The following ARL15 variants were observed in gnomAD, a reference collection of about 807,000 sequenced individuals.
ARL15 encodes the protein ADP-ribosylation factor-like protein 15.
ARL15 carries 19 observed loss-of-function variants against 25.2 expected under a neutral mutation model. That is an observed-to-expected ratio of 0.75 (90% CI 0.53 to 1.10). ARL15 has a LOEUF of 1.10. Among genes scored for constraint, ARL15 ranks in the 50% least tolerant of loss-of-function variants. The probability of loss-of-function intolerance (pLI) is 0.00; values close to 1 mark genes in which losing one functional copy is unlikely to be tolerated. For synonymous variants in ARL15, 94 were observed against 86.8 expected (o/e 1.08, Z -0.46); for missense variants, 220 against 246.0 (o/e 0.89, Z 0.71).
intron 4 of ARL15, among the ~76,000 whole-genome samples, chr5:54,010,254 ATTACT>A (rs1214237419): frequency 9.2e-5 from 14 of 152,342 alleles, no homozygotes; most frequent in Non-Finnish European, 1.9e-4. Flanking sequence ...ACATTTAATA[ATTACT>A]TTATAAGTGT....
chr5:54,073,593 G>A (rs1043109656), intron 4 of ARL15, among the ~76,000 whole-genome samples: 1 of 152,184 alleles, frequency 6.6e-6, no homozygotes, highest in African/African-American at 2.4e-5. Context: ...TCTGGGGAAA[G>A]CAAATGGAAA....
intron 1 of ARL15, among the ~76,000 whole-genome samples, chr5:54,265,244 T>C (rs1004867967): frequency 1.3e-5 from 2 of 152,242 alleles, no homozygotes; most frequent in Admixed American, 6.5e-5. Flanking sequence ...GTACAATTGT[T>C]ATATTTTACA....
At chr5:53,934,136 G>T (rs1263627985) in intron 4 of ARL15, among the ~76,000 whole-genome samples, 6 of 152,072 alleles carry the variant, frequency 3.9e-5, no homozygotes, top group Admixed American at 3.9e-4. Context: ...CATATAGCTG[G>T]TCTATAAAAT....
intron 3 of ARL15, among the ~76,000 whole-genome samples, chr5:54,153,522 G>A (rs1233298610): frequency 1.3e-5 from 2 of 152,072 alleles, no homozygotes; most frequent in African/African-American, 4.8e-5. Context: ...GAACATTCAT[G>A]TTTTATAATT....
intron 4 of ARL15, among the ~76,000 whole-genome samples, chr5:54,085,896 G>A (rs1751949607): frequency 6.6e-6 from 1 of 151,154 alleles, no homozygotes; most frequent in Non-Finnish European, 1.5e-5. Context: ...AGCGTCCCAT[G>A]GCTCCAGGCA....
intron 4 of ARL15, among the ~76,000 whole-genome samples, chr5:53,897,714 T>C (rs1386801254): frequency 6.6e-6 from 1 of 152,224 alleles, no homozygotes; most frequent in Non-Finnish European, 1.5e-5. Flanking sequence ...GTTACACTGA[T>C]TTTTGTATGT....
intron 4 of ARL15, among the ~76,000 whole-genome samples, chr5:53,928,266 A>G (rs1246425364): frequency 1.3e-5 from 2 of 152,194 alleles, no homozygotes; most frequent in African/African-American, 2.4e-5. Flanking sequence ...AAATGAGGGC[A>G]GTATTTTAGG....
intron 1 of ARL15, among the ~76,000 whole-genome samples, chr5:54,198,695 C>T (rs1579901955): frequency 6.6e-6 from 1 of 151,234 alleles, no homozygotes; most frequent in East Asian, 1.9e-4. Flanking sequence ...TAGGAAGAAT[C>T]AATATCATGA....
intron 4 of ARL15, among the ~76,000 whole-genome samples, chr5:54,112,613 T>C (rs770648497): frequency 1.3e-5 from 2 of 152,238 alleles, no homozygotes; most frequent in Admixed American, 6.5e-5. Flanking sequence ...GCTGAGACTC[T>C]ATTTGCCTAG....
chr5:54,204,784 T>C (rs3797252), intron 1 of ARL15, among the ~76,000 whole-genome samples: 49,011 of 152,074 alleles, frequency 0.32, 8,353 homozygotes, highest in African/African-American at 0.39. Context: ...AACATTGTGC[T>C]GATTTTGGAG....
intron 1 of ARL15, among the ~76,000 whole-genome samples, chr5:54,237,167 A>G (rs763406525): frequency 3.3e-5 from 5 of 152,204 alleles, no homozygotes; most frequent in African/African-American, 1.2e-4. Flanking sequence ...GTGATAGTGA[A>G]TAAGTGTCAA....
At chr5:54,245,256 C>T (rs192925908) in intron 1 of ARL15, among the ~76,000 whole-genome samples, 115 of 152,200 alleles carry the variant, frequency 7.6e-4, no homozygotes, top group African/African-American at 2.3e-3. Context: ...GCAGGAATTA[C>T]GAAAAAGAAA....
At chr5:54,155,121 AAAAC>A (rs769497990) in intron 2 of ARL15, among the ~76,000 whole-genome samples, 14 of 152,158 alleles carry the variant, frequency 9.2e-5, no homozygotes, top group African/African-American at 2.7e-4. Flanking sequence ...CTCCATTTCA[AAAAC>A]AAACAAACAA....
intron 3 of ARL15, among the ~76,000 whole-genome samples, chr5:54,146,399 C>A (rs1195492386): frequency 6.6e-6 from 1 of 152,120 alleles, no homozygotes; most frequent in African/African-American, 2.4e-5. Flanking sequence ...TTGTTATCAG[C>A]ATCTTCGACT....
intron 3 of ARL15, among the ~76,000 whole-genome samples, chr5:54,119,018 T>C (rs911540868): frequency 6.6e-6 from 1 of 152,140 alleles, no homozygotes; most frequent in African/African-American, 2.4e-5. Flanking sequence ...TTCCTAACAA[T>C]TGCATTGAGG....
At chr5:54,025,786 A>G (rs773403346) in intron 4 of ARL15, among the ~76,000 whole-genome samples, 11 of 152,190 alleles carry the variant, frequency 7.2e-5, no homozygotes, top group Non-Finnish European at 1.6e-4. Flanking sequence ...GCATCATCTT[A>G]TAACAGTAAT....
intron 1 of ARL15, among the ~76,000 whole-genome samples, chr5:54,237,477 A>G (rs1215922478): frequency 2.6e-5 from 4 of 152,238 alleles, no homozygotes; most frequent in Non-Finnish European, 5.9e-5. Flanking sequence ...CATGCTGACA[A>G]TGCATGATCA....
intron 1 of ARL15, among the ~76,000 whole-genome samples, chr5:54,248,216 G>GT (rs1017359895): frequency 6.6e-6 from 1 of 152,088 alleles, no homozygotes; most frequent in African/African-American, 2.4e-5. Flanking sequence ...AAATAACTGG[G>GT]TTTTGAGAGG....
At chr5:54,058,473 C>A (rs1275125025) in intron 4 of ARL15, among the ~76,000 whole-genome samples, 1 of 152,154 alleles carries the variant, frequency 6.6e-6, no homozygotes, top group Non-Finnish European at 1.5e-5. Flanking sequence ...ATCCTCCTCT[C>A]CAGGAGCTTG....
Sources: allele counts gnomAD v4.1 joint callset (sites outside exome capture counted in the v4.1 genomes callset), GRCh38; gene constraint gnomAD v4.1.1; transcripts MANE v1.5; gene names NCBI Gene and HGNC (gene_info 2026-07-23, HGNC 2026-07-21).